SPSB4: variants seen among roughly 807,000 people sequenced by gnomAD.
SPSB4 encodes the protein splA/ryanodine receptor domain and SOCS box containing 4, also known as SPRY domain-containing SOCS box protein 4.
Under a neutral mutation model 20.9 loss-of-function variants are expected in SPSB4, and 21 were observed. That is an observed-to-expected ratio of 1.01 (90% CI 0.71 to 1.45). SPSB4 has a LOEUF of 1.45. Ranked by LOEUF, SPSB4 falls within the 40% of genes most tolerant of loss-of-function variation. The pLI, the probability that SPSB4 is intolerant of heterozygous loss-of-function variation, is 0.00. For missense variants in SPSB4, 399 were observed against 399.2 expected, an observed-to-expected ratio of 1.00 and a Z score of 0.00; for synonymous variants, 207 against 183.8, an observed-to-expected ratio of 1.13 and a Z score of -1.02.
chr3:141,138,789 T>G (rs913837858), intron 2 of SPSB4, among the ~76,000 whole-genome samples: 5 of 152,216 alleles, frequency 3.3e-5, no homozygotes, highest in Non-Finnish European at 7.3e-5. Flanking sequence ...TGTGGTGTGG[T>G]ACTGAAAAGA....
At chr3:141,055,811 G>T (rs1559836205) in intron 1 of SPSB4, among the ~76,000 whole-genome samples, 1 of 152,214 alleles carries the variant, frequency 6.6e-6, no homozygotes, top group African/African-American at 2.4e-5. Flanking sequence ...GAGAGTGTGG[G>T]TGTGCCCATG....
At chr3:141,101,573 T>A (rs1553741093) in intron 2 of SPSB4, among the ~76,000 whole-genome samples, 1 of 152,114 alleles carries the variant, frequency 6.6e-6, no homozygotes, top group Non-Finnish European at 1.5e-5. Context: ...GAGACAATAA[T>A]CCCCGCCTCG....
At chr3:141,063,452 CTGT>C (rs1937804031) in intron 1 of SPSB4, among the ~76,000 whole-genome samples, 1 of 152,068 alleles carries the variant, frequency 6.6e-6, no homozygotes, top group Admixed American at 6.5e-5. Context: ...AGTATATGAT[CTGT>C]TTTATTTTGT....
In SPSB4 at chr3:141,147,439, T is replaced by A; in HGVS notation, c.*170T>A. On this transcript the variant is annotated 3_prime_UTR_variant, in exon 3 of 3. Transcript: ENST00000310546. ...TGGTACCAACTTTGGAAACGAAAGG[T>A]CTCTTGCCAACAGTATCTACTGCCC... The A allele has an allele frequency of 8.5e-7, 1 of 1,169,648 alleles. No individual in the cohort carries two copies. Among genetic ancestry groups the A allele is most frequent in the Non-Finnish European group, 1.2e-6 (1 of 845,420 alleles). 72.5% of individuals were successfully genotyped at this position (1,169,648 alleles called of 1,614,324 possible). A position where few individuals can be genotyped will look rare whatever the true frequency, so the allele number is the denominator to read the frequency against.
At chr3:141,113,621 T>A (rs1032925796) in intron 2 of SPSB4, among the ~76,000 whole-genome samples, 1 of 152,122 alleles carries the variant, frequency 6.6e-6, no homozygotes, top group Non-Finnish European at 1.5e-5. Flanking sequence ...AATAGGTAAA[T>A]TCATAGAGAC....
intron 2 of SPSB4, among the ~76,000 whole-genome samples, chr3:141,101,700 A>T (rs2107795431): frequency 6.6e-6 from 1 of 152,324 alleles, no homozygotes; most frequent in South Asian, 2.1e-4. Context: ...ATATTCCCCA[A>T]ATCATGGACA....
intron 2 of SPSB4, among the ~76,000 whole-genome samples, chr3:141,123,703 GTTTCT>G (rs1234471002): frequency 6.6e-6 from 1 of 152,218 alleles, no homozygotes; most frequent in African/African-American, 2.4e-5. Flanking sequence ...TATTGGATGT[GTTTCT>G]TTCAGTACCC....
chr3:141,072,332 C>T (rs1448149272), intron 2 of SPSB4, among the ~76,000 whole-genome samples: 3 of 152,162 alleles, frequency 2.0e-5, no homozygotes, highest in African/African-American at 2.4e-5. Context: ...TACTTGATAT[C>T]GCTTGGATAT....
chr3:141,083,405 G>A lies in SPSB4; in HGVS notation c.694+16607G>A, dbSNP rs79420286. ...ATGGTGCCCCTTATGGTCCCAGGGC[G>A]TGTCCAGCAGAAGATATGAGAAAGG... On this transcript the variant is annotated intron_variant, in intron 2 of 2. Transcript: ENST00000310546. Among the ~76,000 whole-genome samples the A allele has an allele frequency of 1.0e-3, 158 of 152,274 alleles. 3 individuals are homozygous for A. The highest frequency in any genetic ancestry group is 3.4e-3 in the African/African-American group (140 of 41,544).
intron 2 of SPSB4, among the ~76,000 whole-genome samples, chr3:141,126,934 G>A (rs1939057759): frequency 6.6e-6 from 1 of 152,186 alleles, no homozygotes; most frequent in Admixed American, 6.5e-5. Context: ...AGCCCCCCAT[G>A]CCCCAGCCCG....
intron 2 of SPSB4, among the ~76,000 whole-genome samples, chr3:141,080,760 C>A (rs1482552930): frequency 6.6e-6 from 1 of 152,236 alleles, no homozygotes; most frequent in Non-Finnish European, 1.5e-5. Context: ...ACACAGGCAA[C>A]CTCCCTTGGA....
intron 2 of SPSB4, among the ~76,000 whole-genome samples, chr3:141,071,014 G>A (rs1052426331): frequency 2.0e-5 from 3 of 152,208 alleles, no homozygotes; most frequent in African/African-American, 7.2e-5. Flanking sequence ...TCCTCCTCTG[G>A]CTGGCTTTAC....
intron 1 of SPSB4, among the ~76,000 whole-genome samples, chr3:141,054,862 G>A (rs1351540969): frequency 6.6e-6 from 1 of 152,152 alleles, no homozygotes; most frequent in South Asian, 2.1e-4. Flanking sequence ...CTGCTGGGGA[G>A]GCTGAGGCAG....
intron 2 of SPSB4, among the ~76,000 whole-genome samples, chr3:141,082,604 G>GC (rs1938254750): frequency 1.3e-5 from 2 of 150,748 alleles, no homozygotes; most frequent in South Asian, 4.2e-4. Flanking sequence ...TTATCTCCTT[G>GC]CCCCAACCCA....
chr3:141,086,500 A>G (rs999795581), intron 2 of SPSB4, among the ~76,000 whole-genome samples: 1 of 152,220 alleles, frequency 6.6e-6, no homozygotes, highest in African/African-American at 2.4e-5. Context: ...TACATATGAC[A>G]TATACATAAA....
chr3:141,052,931 G>A (rs1159890634), intron 1 of SPSB4, among the ~76,000 whole-genome samples: 2 of 152,198 alleles, frequency 1.3e-5, no homozygotes, highest in Admixed American at 6.5e-5. Flanking sequence ...GCTCCCGCCG[G>A]CCCATGGCCA....
At chr3:141,054,964 C>A (rs1937613196) in intron 1 of SPSB4, among the ~76,000 whole-genome samples, 1 of 135,192 alleles carries the variant, frequency 7.4e-6, no homozygotes. Flanking sequence ...GACTCCGTCT[C>A]AAAAAAAAAA....
intron 2 of SPSB4, among the ~76,000 whole-genome samples, chr3:141,135,813 G>T (rs1222980463): frequency 6.6e-6 from 1 of 152,104 alleles, no homozygotes; most frequent in Non-Finnish European, 1.5e-5. Context: ...ACGTGTGCAT[G>T]TGTCTTTATA....
chr3:141,114,213 G>A lies in SPSB4; in HGVS notation c.695-32929G>A, dbSNP rs563337889. Among the ~76,000 whole-genome samples the A allele has an allele frequency of 1.4e-4, 22 of 152,298 alleles. No homozygotes were observed. In the East Asian group the frequency reaches 4.2e-3, roughly 29 times the overall value. On this transcript the variant is annotated intron_variant, in intron 2 of 2. Coordinates refer to ENST00000310546, the MANE Select transcript of SPSB4 (RefSeq NM_080862.3). ...TCAACAGGTCAGCTGTGTTCATGTG[G>A]AAAATACCAGGGGTGAATTCAGTCA...
Sources: gnomAD v4.1 joint callset for allele counts (sites outside exome capture counted in the v4.1 genomes callset) on GRCh38, gnomAD v4.1.1 for gene constraint, MANE v1.5 for transcripts, NCBI Gene and HGNC (gene_info 2026-07-23, HGNC 2026-07-21) for gene names.